CTNNA2: variants seen among roughly 807,000 people sequenced by gnomAD.
CTNNA2 encodes the protein catenin alpha 2, also known as catenin alpha-2.
In CTNNA2, 42 loss-of-function variants were observed where a neutral mutation model predicts 101.0. The ratio of observed to expected loss-of-function variants is 0.42; its 90% CI spans 0.32 to 0.54. The LOEUF is 0.54. CTNNA2 is among the 20% of genes least tolerant of loss of function. The probability of loss-of-function intolerance (pLI) is 0.14; values close to 1 mark genes in which losing one functional copy is unlikely to be tolerated. For synonymous variants in CTNNA2, 450 were observed against 456.4 expected (o/e 0.99, Z 0.18); for missense variants, 871 against 1,223.1 (o/e 0.71, Z 4.29).
At position 80,259,977 on chromosome 2, in the gene CTNNA2, C is replaced by T. The variant is rs1005624455; in HGVS notation, c.1057-133234C>T. Among the ~76,000 whole-genome samples the T allele has an allele frequency of 2.0e-5, 3 of 152,324 alleles. No homozygotes were observed. The Middle Eastern group carries it at 0.01, about 518-fold the overall frequency. Reference sequence around the variant, plus strand: ...CCAATAAGAATAAGAATAACTGCCACCTCGTGAGCCCTTAACTATGTTCCA... The same window carrying T: ...CCAATAAGAATAAGAATAACTGCCATCTCGTGAGCCCTTAACTATGTTCCA... On this transcript the variant is annotated intron_variant, in intron 7 of 18. Coordinates refer to ENST00000402739, the MANE Select transcript of CTNNA2 (RefSeq NM_001282597.3).
intron 4 of CTNNA2, among the ~76,000 whole-genome samples, chr2:79,376,972 A>G (rs553087081): frequency 7.4e-4 from 112 of 152,224 alleles, no homozygotes; most frequent in African/African-American, 2.6e-3. Context: ...TTATAGCAGC[A>G]TGTTTTATAA....
chr2:79,672,004 C>T (rs1682871933), intron 2 of CTNNA2, among the ~76,000 whole-genome samples: 1 of 152,188 alleles, frequency 6.6e-6, no homozygotes, highest in African/African-American at 2.4e-5. Context: ...TTTACATACA[C>T]ACTTTATAAC....
chr2:79,728,637 T>A (rs1364797205), intron 2 of CTNNA2, among the ~76,000 whole-genome samples: 2 of 152,218 alleles, frequency 1.3e-5, no homozygotes, highest in East Asian at 3.9e-4. Context: ...GTTTCAGACA[T>A]GAAGTCCTTG....
chr2:80,479,937 T>G (rs1686023027), intron 9 of CTNNA2, among the ~76,000 whole-genome samples: 1 of 152,160 alleles, frequency 6.6e-6, no homozygotes, highest in Admixed American at 6.6e-5. Flanking sequence ...ATATACAACA[T>G]TATGAATGTA....
chr2:79,545,286 G>A (rs1344384838), intron 1 of CTNNA2, among the ~76,000 whole-genome samples: 1 of 152,162 alleles, frequency 6.6e-6, no homozygotes, highest in Non-Finnish European at 1.5e-5. Flanking sequence ...GAAGCGGCAT[G>A]CCTTCACTTC....
chr2:79,690,385 A>G (rs186400494), intron 2 of CTNNA2, among the ~76,000 whole-genome samples: 280 of 152,144 alleles, frequency 1.8e-3, no homozygotes, highest in Admixed American at 3.2e-3. Flanking sequence ...TCATATAAAG[A>G]AAACCTTAGA....
intron 4 of CTNNA2, among the ~76,000 whole-genome samples, chr2:79,448,377 T>C (rs1678855700): frequency 6.6e-6 from 1 of 152,074 alleles, no homozygotes; most frequent in Admixed American, 6.6e-5. Flanking sequence ...AAGCCACATA[T>C]TATGTATGCA....
chr2:79,719,495 C>G (rs999614002), intron 2 of CTNNA2, among the ~76,000 whole-genome samples: 3 of 152,136 alleles, frequency 2.0e-5, no homozygotes, highest in African/African-American at 7.2e-5. Flanking sequence ...AGTGGCTGAA[C>G]TAATTGATAT....
intron 2 of CTNNA2, among the ~76,000 whole-genome samples, chr2:79,247,046 G>A (rs746670046): frequency 4.6e-5 from 7 of 152,182 alleles, no homozygotes; most frequent in Non-Finnish European, 1.0e-4. Context: ...GCAGAAACCG[G>A]CAGGCGTGGC....
intron 7 of CTNNA2, among the ~76,000 whole-genome samples, chr2:80,247,110 G>A (rs1280930854): frequency 2.6e-5 from 4 of 152,136 alleles, no homozygotes; most frequent in Non-Finnish European, 5.9e-5. Context: ...CCAATATAAA[G>A]GGGCACATTG....
At chr2:79,254,452 C>T (rs1674815584) in intron 2 of CTNNA2, among the ~76,000 whole-genome samples, 2 of 152,192 alleles carry the variant, frequency 1.3e-5, no homozygotes, top group South Asian at 4.1e-4. Flanking sequence ...TGTGTAGCAC[C>T]TCCCTCTACA....
At chr2:80,184,700 G>T (rs1018966367) in intron 7 of CTNNA2, among the ~76,000 whole-genome samples, 4 of 152,136 alleles carry the variant, frequency 2.6e-5, no homozygotes, top group Non-Finnish European at 4.4e-5. Context: ...ATGTGTGCCT[G>T]TCTTTTCTAT....
intron 7 of CTNNA2, among the ~76,000 whole-genome samples, chr2:80,111,128 G>T (rs1701186223): frequency 6.6e-6 from 1 of 152,088 alleles, no homozygotes; most frequent in African/African-American, 2.4e-5. Context: ...GGGGGTAACT[G>T]CCCCCATGAT....
chr2:79,508,428 T>C (rs1281903445), upstream of CTNNA2, among the ~76,000 whole-genome samples: 2 of 152,118 alleles, frequency 1.3e-5, no homozygotes, highest in Non-Finnish European at 1.5e-5. Flanking sequence ...CAGTCTCGGC[T>C]TTCTCCTAAA....
intron 2 of CTNNA2, among the ~76,000 whole-genome samples, chr2:79,259,732 C>T (rs904728071): frequency 1.3e-5 from 2 of 152,106 alleles, no homozygotes; most frequent in African/African-American, 4.8e-5. Flanking sequence ...GTCAGAGTGA[C>T]CTTTTAACCA....
intron 7 of CTNNA2, among the ~76,000 whole-genome samples, chr2:80,262,354 C>T (rs1672673467): frequency 6.6e-6 from 1 of 152,080 alleles, no homozygotes; most frequent in Admixed American, 6.5e-5. Context: ...TAACCAGTAC[C>T]CTATTGCTAG....
intron 7 of CTNNA2, among the ~76,000 whole-genome samples, chr2:79,948,534 ATTT>A (rs916677379): frequency 2.0e-5 from 3 of 152,198 alleles, no homozygotes; most frequent in African/African-American, 7.2e-5. Flanking sequence ...TAGCGTTATG[ATTT>A]TTGTTTTGTT....
intron 7 of CTNNA2, among the ~76,000 whole-genome samples, chr2:80,029,904 A>G (rs1437106339): frequency 3.3e-5 from 5 of 152,162 alleles, no homozygotes; most frequent in Admixed American, 2.6e-4. Flanking sequence ...TTGAGCAGGC[A>G]TCGAGCTGGA....
chr2:80,478,996 C>T (rs762096499), intron 9 of CTNNA2, among the ~76,000 whole-genome samples: 1 of 148,348 alleles, frequency 6.7e-6, no homozygotes, highest in African/African-American at 2.5e-5. Context: ...TTGATTCTTC[C>T]AATCCATGAG....
Sources: allele counts gnomAD v4.1 joint callset (sites outside exome capture counted in the v4.1 genomes callset), GRCh38; gene constraint gnomAD v4.1.1; transcripts MANE v1.5; gene names NCBI Gene and HGNC (gene_info 2026-07-23, HGNC 2026-07-21).